The following TASP1 variants were observed in gnomAD, a reference collection of about 807,000 sequenced individuals.
TASP1 encodes taspase 1.
A neutral mutation model predicts 56.6 loss-of-function variants in TASP1; 16 were observed. That is an observed-to-expected ratio of 0.28 (90% CI 0.19 to 0.43). TASP1 has a LOEUF of 0.43. Among genes scored for constraint, TASP1 ranks in the 20% least tolerant of loss-of-function variants. TASP1 has a pLI of 1.00. For synonymous variants in TASP1, 179 were observed against 184.2 expected, an observed-to-expected ratio of 0.97 and a Z score of 0.23; for missense variants, 393 against 511.6, an observed-to-expected ratio of 0.77 and a Z score of 2.24.
the TASP1 span, among the ~76,000 whole-genome samples, chr20:13,331,202 T>C: frequency 6.6e-6 from 1 of 152,196 alleles, no homozygotes. Flanking sequence ...TGTATTTTTA[T>C]TTATGTTTGT....
At chr20:13,396,823 C>T (rs6042067) in intron 13 of TASP1, among the ~76,000 whole-genome samples, 5 of 152,250 alleles carry the variant, frequency 3.3e-5, no homozygotes, top group South Asian at 2.1e-4. Context: ...AGATGACATT[C>T]GGGTAAATTT....
chr20:13,325,509 G>T, the TASP1 span, among the ~76,000 whole-genome samples: 1 of 152,242 alleles, frequency 6.6e-6, no homozygotes, highest in South Asian at 2.1e-4. Flanking sequence ...AGGTGATAGG[G>T]GGATTATAAT....
At chr20:13,111,569 C>T in the TASP1 span, among the ~76,000 whole-genome samples, 1 of 152,158 alleles carries the variant, frequency 6.6e-6, no homozygotes, top group Non-Finnish European at 1.5e-5. Flanking sequence ...CCTTAACTTG[C>T]AATTTTAAGA....
chr20:13,549,217 C>T (rs1368520679), intron 8 of TASP1, among the ~76,000 whole-genome samples: 2 of 152,118 alleles, frequency 1.3e-5, no homozygotes, highest in Non-Finnish European at 2.9e-5. Flanking sequence ...ACCCTATTCC[C>T]TCCACTCCTC....
At chr20:13,569,702 C>A in intron 6 of TASP1, 116 bp from the exon 7 acceptor site, 1 of 780,116 alleles carries the variant, frequency 1.3e-6, no homozygotes, top group South Asian at 2.2e-5. Flanking sequence ...GGACATAATT[C>A]CAGATTTACC....
chr20:13,498,594 T>A (rs2043823359), intron 10 of TASP1, among the ~76,000 whole-genome samples: 1 of 151,878 alleles, frequency 6.6e-6, no homozygotes, highest in South Asian at 2.1e-4. Context: ...CCTGACCGCC[T>A]CGGCCTCTCA....
intron 1 of TASP1, among the ~76,000 whole-genome samples, chr20:13,634,406 T>C (rs6042267): frequency 0.028 from 4,323 of 152,264 alleles, 215 homozygotes; most frequent in African/African-American, 0.096. Context: ...GAGGGACTGC[T>C]ACTGGGAGCA....
At chr20:13,162,694 C>G in the TASP1 span, among the ~76,000 whole-genome samples, 1 of 152,210 alleles carries the variant, frequency 6.6e-6, no homozygotes, top group Non-Finnish European at 1.5e-5. Flanking sequence ...CCAATAACAA[C>G]TCTAGCCTCG....
chr20:13,250,284 G>T, the TASP1 span, among the ~76,000 whole-genome samples: 2 of 152,124 alleles, frequency 1.3e-5, no homozygotes, highest in African/African-American at 2.4e-5. Context: ...AATAAAGAGG[G>T]CCCCTACTAG....
At chr20:13,294,744 C>G in the TASP1 span, among the ~76,000 whole-genome samples, 1 of 152,176 alleles carries the variant, frequency 6.6e-6, no homozygotes, top group Non-Finnish European at 1.5e-5. Context: ...ACAGCCTATC[C>G]CAGCTGGCAG....
At chr20:13,620,494 T>A (rs1295634520) in intron 4 of TASP1, among the ~76,000 whole-genome samples, 3 of 152,210 alleles carry the variant, frequency 2.0e-5, no homozygotes, top group Non-Finnish European at 2.9e-5. Context: ...ATTTAAGGAA[T>A]TCACATCAAT....
the TASP1 span, among the ~76,000 whole-genome samples, chr20:13,302,632 G>A: frequency 2.6e-5 from 4 of 152,152 alleles, no homozygotes; most frequent in African/African-American, 9.7e-5. Flanking sequence ...AAATTCTGTG[G>A]AATTCTAAGG....
chr20:13,621,703 T>G (rs1235162162), intron 4 of TASP1, among the ~76,000 whole-genome samples: 1 of 152,202 alleles, frequency 6.6e-6, no homozygotes, highest in African/African-American at 2.4e-5. Context: ...CCCTTAAAAG[T>G]AGGATTCAAC....
chr20:13,185,469 T>C, the TASP1 span, among the ~76,000 whole-genome samples: 2 of 152,210 alleles, frequency 1.3e-5, no homozygotes, highest in East Asian at 3.9e-4. Context: ...CCACTACCTC[T>C]TTCTCCTAGT....
At chr20:13,150,901 C>G in the TASP1 span, among the ~76,000 whole-genome samples, 1 of 152,144 alleles carries the variant, frequency 6.6e-6, no homozygotes, top group African/African-American at 2.4e-5. Context: ...GTTCATTCAT[C>G]ATTTATTGAT....
intron 11 of TASP1, among the ~76,000 whole-genome samples, chr20:13,461,931 C>G (rs1422694227): frequency 6.6e-6 from 1 of 152,048 alleles, no homozygotes; most frequent in Non-Finnish European, 1.5e-5. Context: ...AAAGAAGCCC[C>G]ATTTTGTGGA....
At chr20:13,242,322 T>C in the TASP1 span, among the ~76,000 whole-genome samples, 1 of 152,194 alleles carries the variant, frequency 6.6e-6, no homozygotes, top group Non-Finnish European at 1.5e-5. Context: ...CACAGAGCAG[T>C]TGGAACATCC....
At chr20:13,218,485 T>A in the TASP1 span, among the ~76,000 whole-genome samples, 1 of 152,046 alleles carries the variant, frequency 6.6e-6, no homozygotes, top group Non-Finnish European at 1.5e-5. Flanking sequence ...ACCACAAAGG[T>A]GATCCCAATC....
chr20:13,159,828 T>C, the TASP1 span, among the ~76,000 whole-genome samples: 1 of 152,170 alleles, frequency 6.6e-6, no homozygotes, highest in Non-Finnish European at 1.5e-5. Flanking sequence ...TGCCTGTTTA[T>C]TTGTCAATTT....
Sources: gnomAD v4.1 joint callset for allele counts (sites outside exome capture counted in the v4.1 genomes callset) on GRCh38, gnomAD v4.1.1 for gene constraint, MANE v1.5 for transcripts, NCBI Gene and HGNC (gene_info 2026-07-23, HGNC 2026-07-21) for gene names.